Variants in RHOQ observed in about 807,000 individuals in gnomAD.
The protein encoded by RHOQ is ras homolog family member Q.
Under a neutral mutation model 25.8 loss-of-function variants are expected in RHOQ, and 7 were observed. The ratio of observed to expected loss-of-function variants is 0.27; its 90% CI spans 0.15 to 0.51. RHOQ has a LOEUF of 0.51. Among genes scored for constraint, RHOQ ranks in the 20% least tolerant of loss-of-function variants. RHOQ has a pLI of 0.97. For synonymous variants in RHOQ, 97 were observed against 98.6 expected (o/e 0.98, Z 0.10); for missense variants, 165 against 260.6 (o/e 0.63, Z 2.53).
chr2:46,572,109 T>TG (rs1306587821), intron 2 of RHOQ, among the ~76,000 whole-genome samples: 9 of 75,878 alleles, frequency 1.2e-4, no homozygotes, highest in Non-Finnish European at 2.6e-4. Flanking sequence ...AAGTGTGTGT[T>TG]TTTTTTTTTT....
Position 46,576,860 on chromosome 2 carries a change from A to G in RHOQ, c.462+204A>G, listed in dbSNP as rs1241786629. The G allele has an allele frequency of 1.5e-5, 6 of 406,836 alleles. No individual in the cohort carries two copies. The highest frequency in any genetic ancestry group is 2.2e-5 in the Non-Finnish European group (5 of 227,236). The allele number at this position is 406,836 out of a possible 1,614,324, so 25.2% of individuals were successfully genotyped here. A position where few individuals can be genotyped will look rare whatever the true frequency, so the allele number is the denominator to read the frequency against. On this transcript the variant is annotated intron_variant, in intron 4 of 4. Transcript: ENST00000238738. The surrounding 1 kb of genome is among the most constrained non-coding windows in gnomAD (Gnocchi z 5.1). ...AGTGGAGGCTGGGAGATGTCAGATAATTCGCCCAAGATCCTGCAGGTAATA... is the reference window on the plus strand; with the variant it reads ...AGTGGAGGCTGGGAGATGTCAGATAGTTCGCCCAAGATCCTGCAGGTAATA...
intron 2 of RHOQ, among the ~76,000 whole-genome samples, chr2:46,567,737 A>G (rs1008142950): frequency 2.6e-5 from 4 of 151,958 alleles, no homozygotes; most frequent in Admixed American, 6.6e-5. Flanking sequence ...TTCTCCTTCA[A>G]TGTGGACTGA....
intron 2 of RHOQ, among the ~76,000 whole-genome samples, chr2:46,546,522 A>G (rs1195140950): frequency 4.7e-5 from 4 of 85,292 alleles, no homozygotes; most frequent in Non-Finnish European, 8.8e-5. Context: ...GTATATACAT[A>G]TATATATATA....
intron 4 of RHOQ, chr2:46,580,446 C>T (rs1255292760): frequency 1.3e-5 from 2 of 152,538 alleles, no homozygotes; most frequent in African/African-American, 4.8e-5. Context: ...TGGAGCTCTT[C>T]CCCTAGGTAT....
At chr2:46,543,722 T>C (rs780695809) in intron 1 of RHOQ, 32 bp from the exon 2 acceptor site, 246 of 1,605,130 alleles carry the variant, frequency 1.5e-4, no homozygotes, top group Non-Finnish European at 2.0e-4. Flanking sequence ...CACTGTGAGC[T>C]TCTCTCCCCG....
intron 2 of RHOQ, among the ~76,000 whole-genome samples, chr2:46,554,789 C>CTTT (rs11438549): frequency 7.2e-6 from 1 of 138,748 alleles, no homozygotes; most frequent in South Asian, 2.3e-4. Flanking sequence ...TTCTTTCTTT[C>CTTT]TTTTTTTTTT....
At position 46,584,010 on chromosome 2, in the gene RHOQ, T is replaced by C. The variant is rs1313904200; in HGVS notation, c.*2927T>C. On this transcript the variant is annotated 3_prime_UTR_variant, in exon 5 of 5. Coordinates refer to ENST00000238738, the MANE Select transcript of RHOQ (RefSeq NM_012249.4). Reference sequence around the variant, plus strand: ...CACAGGTACATTTTAGGTTAGCTCATGGTGAATTCTATTTACAATAAGTGG... The same window carrying C: ...CACAGGTACATTTTAGGTTAGCTCACGGTGAATTCTATTTACAATAAGTGG... Among the ~76,000 whole-genome samples the C allele has an allele frequency of 2.0e-5, 3 of 152,200 alleles. No individual in the cohort carries two copies. Among genetic ancestry groups the C allele is most frequent in the South Asian group, 2.1e-4 (1 of 4,834 alleles).
intron 4 of RHOQ, chr2:46,579,930 G>C (rs1229552491): frequency 6.6e-6 from 1 of 151,736 alleles, no homozygotes; most frequent in Non-Finnish European, 1.5e-5. Flanking sequence ...CATACCTTCA[G>C]AACATATCCA....
intron 2 of RHOQ, among the ~76,000 whole-genome samples, chr2:46,549,449 G>A (rs1024109833): frequency 3.9e-5 from 6 of 152,142 alleles, no homozygotes; most frequent in African/African-American, 1.4e-4. Context: ...AGCTCTCCAC[G>A]GGGGTGTCCG....
At chr2:46,573,501 TTTAA>T (rs1324392153) in intron 2 of RHOQ, among the ~76,000 whole-genome samples, 5 of 152,248 alleles carry the variant, frequency 3.3e-5, no homozygotes, top group African/African-American at 1.2e-4. Flanking sequence ...TTCTTCACAT[TTTAA>T]TTAATCAAAC....
rs906182456 is a variant in RHOQ, at chr2:46,555,134, T to C, written c.201+11322T>C. On this transcript the variant is annotated intron_variant, in intron 2 of 4. Coordinates refer to ENST00000238738, the MANE Select transcript of RHOQ (RefSeq NM_012249.4). This position sits in a 1 kb window ranked among gnomAD's most constrained non-coding sequence, Gnocchi z 4.3. ...GACTTCGTCCAACAGGCGAGAGCTT[T>C]GGGTATTCATCCACTGCAGAAAGTG... 6.6e-6 allele frequency among the ~76,000 whole-genome samples: 1 copy of C among 152,222 alleles called. No homozygotes were observed. The highest frequency in any genetic ancestry group is 2.4e-5 in the African/African-American group (1 of 41,454).
At chr2:46,549,692 A>G (rs1364512644) in intron 2 of RHOQ, among the ~76,000 whole-genome samples, 1 of 152,204 alleles carries the variant, frequency 6.6e-6, no homozygotes, top group East Asian at 1.9e-4. Flanking sequence ...CCTTGCCCTC[A>G]GCAATTTGTC....
At chr2:46,564,465 G>A (rs1668666867) in intron 2 of RHOQ, among the ~76,000 whole-genome samples, 1 of 152,232 alleles carries the variant, frequency 6.6e-6, no homozygotes, top group Non-Finnish European at 1.5e-5. Flanking sequence ...GTGCAAGCAT[G>A]TCTGTGAGGG....
At position 46,582,141 on chromosome 2, in the gene RHOQ, A is replaced by G. The variant is rs2104049478; in HGVS notation, c.*1058A>G. On this transcript the variant is annotated 3_prime_UTR_variant, in exon 5 of 5. Transcript: ENST00000238738. ...GAAGTTATAGAGCGACAACTTATAT[A>G]CACACCTAGAATGTAAGTTAAACAA... The G allele has an allele frequency of 6.5e-6, 1 of 153,270 alleles. No homozygotes were observed. The highest frequency in any genetic ancestry group is 1.9e-4 in the East Asian group (1 of 5,204). 9.5% of individuals were successfully genotyped at this position (153,270 alleles called of 1,614,324 possible). A position where few individuals can be genotyped will look rare whatever the true frequency, so the allele number is the denominator to read the frequency against.
In RHOQ at chr2:46,574,062, T is replaced by TG. The variant is rs1669024742; in HGVS notation, c.202-2023dup. Among the ~76,000 whole-genome samples the TG allele has an allele frequency of 1.3e-5, 2 of 152,326 alleles. 1 individual carries two copies. The highest frequency in any genetic ancestry group is 4.1e-4 in the South Asian group (2 of 4,824). ...TGGATTTGCAGAGGAATAAGAGACTTGGTTTCCCATGGGATAGAGAATTTA... is the reference window on the plus strand; with the variant it reads ...TGGATTTGCAGAGGAATAAGAGACTTGGGTTTCCCATGGGATAGAGAATTTA... On this transcript the variant is annotated intron_variant, in intron 2 of 4. Coordinates refer to ENST00000238738, the MANE Select transcript of RHOQ (RefSeq NM_012249.4).
At position 46,543,076 on chromosome 2, in the gene RHOQ, C is replaced by T. The variant is rs753794189; in HGVS notation, c.30C>T (p.Leu10=). 2.5e-6 allele frequency: 4 copies of T among 1,607,288 alleles called. No homozygotes were observed. The East Asian group carries it at 6.8e-5, about 27-fold the overall frequency. MAHGPGALM[L]KCVVVGDGAV... ...CTCACGGGCCCGGCGCGCTGATGCT[C>T]AAGTGCGTGGTGGTCGGCGACGGGG... The change falls in exon 1 of 5, where the codon CTC becomes CTT. Residue 10 remains leucine (L), a synonymous_variant. Transcript: ENST00000238738.
intron 2 of RHOQ, among the ~76,000 whole-genome samples, chr2:46,554,121 G>GTT (rs35825900): frequency 6.9e-6 from 1 of 145,928 alleles, no homozygotes; most frequent in Admixed American, 6.8e-5. Flanking sequence ...GTGTGTGTGT[G>GTT]TTTTTTTTTT....
intron 4 of RHOQ, among the ~76,000 whole-genome samples, chr2:46,578,735 G>A (rs1016353107): frequency 2.0e-5 from 3 of 151,908 alleles, no homozygotes; most frequent in Non-Finnish European, 4.4e-5. Flanking sequence ...CAGCCTGGAT[G>A]ACAGAGTGAG....
At chr2:46,546,478 A>ATATATATATATATG (rs1668058702) in intron 2 of RHOQ, among the ~76,000 whole-genome samples, 1 of 11,440 alleles carries the variant, frequency 8.7e-5, no homozygotes, top group Non-Finnish European at 1.6e-4. Context: ...ATATATGTGT[A>ATATATATATATATG]TATATATATA....
Sources: gnomAD v4.1 joint callset for allele counts (sites outside exome capture counted in the v4.1 genomes callset) on GRCh38, gnomAD v4.1.1 for gene constraint, Gnocchi (gnomAD v3.1) non-coding constraint, MANE v1.5 for transcripts, NCBI Gene and HGNC (gene_info 2026-07-23, HGNC 2026-07-21) for gene names.